SEMA6D: variants seen among roughly 807,000 people sequenced by gnomAD.
SEMA6D encodes semaphorin-6D.
In SEMA6D, 35 loss-of-function variants were observed where a neutral mutation model predicts 106.6. The observed-to-expected ratio is 0.33, with a 90% confidence interval of 0.25 to 0.44. The LOEUF is 0.44. Among genes scored for constraint, SEMA6D ranks in the 20% least tolerant of loss-of-function variants. The pLI is 1.00. For synonymous variants in SEMA6D, 499 were observed against 487.7 expected, an observed-to-expected ratio of 1.02 and a Z score of -0.31; for missense variants, 1,185 against 1,345.9, an observed-to-expected ratio of 0.88 and a Z score of 1.87.
At chr15:47,587,708 G>A (rs1426979090) in intron 3 of SEMA6D, among the ~76,000 whole-genome samples, 1 of 152,144 alleles carries the variant, frequency 6.6e-6, no homozygotes, top group Non-Finnish European at 1.5e-5. Context: ...CGGTGTTCCA[G>A]TAAAACTTTA....
chr15:47,535,867 T>A (rs968114231), intron 3 of SEMA6D, among the ~76,000 whole-genome samples: 1 of 152,102 alleles, frequency 6.6e-6, no homozygotes, highest in African/African-American at 2.4e-5. Context: ...AATCTTCAGG[T>A]AAGTGAAAGC....
At chr15:47,561,687 T>C (rs1027803510) in intron 3 of SEMA6D, among the ~76,000 whole-genome samples, 2 of 151,510 alleles carry the variant, frequency 1.3e-5, no homozygotes, top group African/African-American at 4.8e-5. Context: ...ATTTTAAATA[T>C]AGGTAAATAT....
In SEMA6D at chr15:47,236,111, A is replaced by C. The variant is rs191658927; in HGVS notation, c.-239+51693A>C. ...GTGTTAAAAATGTTATCTGGATTGC[A>C]TCAATCTTTGGTTAGATTCCAGAGT... On this transcript the variant is annotated intron_variant, in intron 1 of 19. Transcript: ENST00000558014. Among the ~76,000 whole-genome samples, 867 of 152,274 alleles carry C rather than the reference A, an allele frequency of 5.7e-3. 9 individuals are homozygous for C. Among genetic ancestry groups the C allele is most frequent in the Non-Finnish European group, 8.8e-3 (597 of 67,992 alleles).
chr15:47,231,149 C>G (rs2032166235), intron 1 of SEMA6D, among the ~76,000 whole-genome samples: 1 of 151,870 alleles, frequency 6.6e-6, no homozygotes. Flanking sequence ...TTCCTCTTTT[C>G]TCCCTTCTCT....
rs184095170 is a variant in SEMA6D, at chr15:47,768,901, G to A, written c.1933+153G>A. ...TGCCACAGTCTCTCTGGCTTTCTGTGGTTATATCTGAGTGCATTCCTTAAA... is the reference window on the plus strand; with the variant it reads ...TGCCACAGTCTCTCTGGCTTTCTGTAGTTATATCTGAGTGCATTCCTTAAA... On this transcript the variant is annotated intron_variant, in intron 18 of 18. Transcript: ENST00000536845. 9.5e-4 allele frequency among the ~76,000 whole-genome samples: 145 copies of A among 152,212 alleles called. 1 individual carries two copies. The highest frequency in any genetic ancestry group is 3.2e-3 in the African/African-American group (134 of 41,528).
intron 2 of SEMA6D, among the ~76,000 whole-genome samples, chr15:47,432,131 T>G (rs16959483): frequency 0.023 from 3,524 of 152,160 alleles, 122 homozygotes; most frequent in African/African-American, 0.076. Flanking sequence ...AAATCATTAG[T>G]GAACCCTAAA....
At chr15:47,480,646 C>G (rs80313455) in intron 3 of SEMA6D, among the ~76,000 whole-genome samples, 4,623 of 152,202 alleles carry the variant, frequency 0.03, 244 homozygotes, top group African/African-American at 0.11. Flanking sequence ...CTCATCCACT[C>G]CCCTCCACAC....
At chr15:47,711,739 A>C (rs1596714660) in intron 4 of SEMA6D, among the ~76,000 whole-genome samples, 1 of 152,372 alleles carries the variant, frequency 6.6e-6, no homozygotes, top group African/African-American at 2.4e-5. Flanking sequence ...TGTCCATAAT[A>C]GTAAACATCC....
intron 4 of SEMA6D, 47 bp downstream of exon 4, chr15:47,761,085 G>C (rs373094795): frequency 1.9e-6 from 3 of 1,611,688 alleles, no homozygotes; most frequent in Admixed American, 3.3e-5. Context: ...CTCTGAACCT[G>C]ATTAATTTTC....
chr15:47,372,777 T>C (rs1023384707), intron 1 of SEMA6D, among the ~76,000 whole-genome samples: 13 of 152,182 alleles, frequency 8.5e-5, no homozygotes, highest in African/African-American at 3.1e-4. Flanking sequence ...CCAGGATACT[T>C]ATAAATGTTA....
At chr15:47,436,982 G>A (rs1180502548) in intron 2 of SEMA6D, among the ~76,000 whole-genome samples, 2 of 132,700 alleles carry the variant, frequency 1.5e-5, no homozygotes, top group African/African-American at 5.6e-5. Flanking sequence ...GAAAGGAAGA[G>A]AAGGGAAGGG....
chr15:47,249,821 C>T (rs2033409507), intron 1 of SEMA6D, among the ~76,000 whole-genome samples: 1 of 152,180 alleles, frequency 6.6e-6, no homozygotes, highest in South Asian at 2.1e-4. Context: ...GGTTAATAAG[C>T]CTCTCAGCTA....
intron 1 of SEMA6D, among the ~76,000 whole-genome samples, chr15:47,266,207 CT>C (rs1046817683): frequency 6.6e-6 from 1 of 152,072 alleles, no homozygotes; most frequent in Non-Finnish European, 1.5e-5. Context: ...TGCCAATTGT[CT>C]TTTTTTGCCA....
chr15:47,569,372 C>T (rs901648709), intron 3 of SEMA6D, among the ~76,000 whole-genome samples: 1 of 152,118 alleles, frequency 6.6e-6, no homozygotes, highest in Non-Finnish European at 1.5e-5. Context: ...TAAAGCAAAA[C>T]CTTTCAAGAG....
chr15:47,459,454 T>C (rs16959540), intron 2 of SEMA6D, among the ~76,000 whole-genome samples: 2,603 of 152,154 alleles, frequency 0.017, 91 homozygotes, highest in East Asian at 0.15. Flanking sequence ...GACTTGCAGA[T>C]GGCTTGATTA....
intron 4 of SEMA6D, among the ~76,000 whole-genome samples, chr15:47,646,836 T>C (rs1045339610): frequency 6.6e-5 from 10 of 152,180 alleles, no homozygotes; most frequent in East Asian, 1.9e-4. Flanking sequence ...CTAGCCACCA[T>C]CTTCTCTGAG....
intron 1 of SEMA6D, among the ~76,000 whole-genome samples, chr15:47,210,143 T>C (rs1895382346): frequency 6.6e-6 from 1 of 152,202 alleles, no homozygotes; most frequent in African/African-American, 2.4e-5. Context: ...TTAAATCCCA[T>C]ACCATTTTCT....
chr15:47,587,580 G>T (rs952707561), intron 3 of SEMA6D, among the ~76,000 whole-genome samples: 2 of 152,120 alleles, frequency 1.3e-5, no homozygotes, highest in Non-Finnish European at 2.9e-5. Flanking sequence ...GCCAGGGCTG[G>T]CACATGTTTT....
chr15:47,494,726 G>A (rs1420431573), intron 3 of SEMA6D, among the ~76,000 whole-genome samples: 1 of 91,954 alleles, frequency 1.1e-5, no homozygotes, highest in Admixed American at 1.4e-4. Flanking sequence ...TTAAAAATCT[G>A]GAGAGTGGGA....
Sources: gnomAD v4.1 joint callset for allele counts (sites outside exome capture counted in the v4.1 genomes callset) on GRCh38, gnomAD v4.1.1 for gene constraint, MANE v1.5 for transcripts, NCBI Gene and HGNC (gene_info 2026-07-23, HGNC 2026-07-21) for gene names.